The following WDR49 variants were observed in gnomAD, a reference collection of about 807,000 sequenced individuals.
WDR49 encodes cilia- and flagella-associated protein 337.
Under a neutral mutation model 119.5 loss-of-function variants are expected in WDR49, and 107 were observed. That is an observed-to-expected ratio of 0.90 (90% CI 0.77 to 1.05). WDR49 has a LOEUF of 1.05. Ranked by LOEUF, WDR49 falls within the 50% of genes least tolerant of loss-of-function variation. WDR49 has a pLI of 0.00. For missense variants in WDR49, 1,240 were observed against 1,220.5 expected (o/e 1.02, Z -0.24); for synonymous variants, 425 against 418.8 (o/e 1.01, Z -0.18).
chr3:167,502,443 C>T (rs749248191), intron 17 of WDR49, among the ~76,000 whole-genome samples: 7 of 151,992 alleles, frequency 4.6e-5, no homozygotes, highest in South Asian at 2.1e-4. Flanking sequence ...AATGGGCAGA[C>T]GTTGGAAGAG....
At chr3:167,556,810 A>G (rs1385317263) in intron 9 of WDR49, among the ~76,000 whole-genome samples, 1 of 152,094 alleles carries the variant, frequency 6.6e-6, no homozygotes, top group Non-Finnish European at 1.5e-5. Context: ...GCGGATCACA[A>G]GGTCAGGAGT....
At chr3:167,581,407 C>T (rs376506921) in intron 7 of WDR49, among the ~76,000 whole-genome samples, 1 of 151,916 alleles carries the variant, frequency 6.6e-6, no homozygotes, top group African/African-American at 2.4e-5. Flanking sequence ...CTGAAGGGGC[C>T]CCTACCAACT....
At chr3:167,649,245 G>A (rs1251384045) in intron 2 of WDR49, among the ~76,000 whole-genome samples, 3 of 151,938 alleles carry the variant, frequency 2.0e-5, no homozygotes, top group Non-Finnish European at 4.4e-5. Context: ...GCAATGAGAA[G>A]GCCTAGAGAA....
At chr3:167,561,054 A>T (rs886619274) in intron 8 of WDR49, among the ~76,000 whole-genome samples, 1 of 152,246 alleles carries the variant, frequency 6.6e-6, no homozygotes, top group Non-Finnish European at 1.5e-5. Context: ...CTAAAGCAAT[A>T]TGTAGATTTT....
chr3:167,586,700 A>G (rs1222802334), intron 7 of WDR49, among the ~76,000 whole-genome samples: 1 of 152,218 alleles, frequency 6.6e-6, no homozygotes, highest in Non-Finnish European at 1.5e-5. Context: ...GTAAAGACGT[A>G]AAGACTGAGA....
chr3:167,655,281 C>T (rs1309734932), upstream of WDR49, among the ~76,000 whole-genome samples: 1 of 152,202 alleles, frequency 6.6e-6, no homozygotes, highest in South Asian at 2.1e-4. Flanking sequence ...CACCTGGCCA[C>T]GCCCTTGTCA....
chr3:167,493,590 G>A (rs1751233799), intron 18 of WDR49, among the ~76,000 whole-genome samples: 1 of 152,156 alleles, frequency 6.6e-6, no homozygotes, highest in African/African-American at 2.4e-5. Context: ...TCTCAGGCAT[G>A]AGAAGTAGTG....
Position 167,500,199 on chromosome 3 carries a change from T to C in WDR49, c.2985A>G (p.Pro995=), listed in dbSNP as rs1211657436. 1 of 1,588,916 alleles carries C rather than the reference T, an allele frequency of 6.3e-7. No individual in the cohort carries two copies. Among genetic ancestry groups the C allele is most frequent in the Non-Finnish European group, 8.5e-7 (1 of 1,172,996 alleles). ...LDPEKYFRKE[P]EEERPQILEA... ...CCAGAATTTGGGGACGCTCTTCCTCTGGTTCTTTCCTAAAGTATTTCTCAG... is the reference window on the plus strand; with the variant it reads ...CCAGAATTTGGGGACGCTCTTCCTCCGGTTCTTTCCTAAAGTATTTCTCAG... The change falls in exon 18 of 19, where the codon CCA becomes CCG. Residue 995 remains proline (P), a synonymous_variant. Coordinates refer to ENST00000682715, the MANE Select transcript of WDR49 (RefSeq NM_001366157.1).
At chr3:167,504,593 G>A (rs950709243) in intron 17 of WDR49, among the ~76,000 whole-genome samples, 1 of 152,134 alleles carries the variant, frequency 6.6e-6, no homozygotes, top group Non-Finnish European at 1.5e-5. Context: ...TGAGAACTTT[G>A]AACTTTGTAC....
At chr3:167,613,995 C>T (rs1363564329) in intron 5 of WDR49, among the ~76,000 whole-genome samples, 3 of 150,920 alleles carry the variant, frequency 2.0e-5, no homozygotes, top group Non-Finnish European at 4.4e-5. Flanking sequence ...TGTTTTGTAT[C>T]TTCTTCTAGC....
chr3:167,593,894 G>A (rs1024841052), intron 7 of WDR49, among the ~76,000 whole-genome samples: 1 of 152,090 alleles, frequency 6.6e-6, no homozygotes, highest in Non-Finnish European at 1.5e-5. Context: ...CACAAGATCT[G>A]ATGGTTTAAA....
chr3:167,648,786 G>A (rs1027107970), intron 2 of WDR49, among the ~76,000 whole-genome samples: 1 of 152,170 alleles, frequency 6.6e-6, no homozygotes. Flanking sequence ...GTAGAAGGCG[G>A]AAGGTGGGGA....
rs1213040130 is a variant in WDR49 at position 167,620,585 on chromosome 3, T to C, written c.802A>G (p.Thr268Ala). 25 of 1,534,106 alleles carry C rather than the reference T, an allele frequency of 1.6e-5. No individual in the cohort carries two copies. The Admixed American group carries it at 4.9e-4, about 30-fold the overall frequency. Residue 268 changes from threonine to alanine, a missense_variant, in exon 5 of 19, where the codon ACC becomes GCC. By Grantham distance (58) the Thr-to-Ala change is moderately conservative. Transcript: ENST00000682715. ...ITGKVQAIAF[T>A]AALISLFERP... is the part of the protein sequence containing the mutation. ...TCAAACAGGGAAATCAAGGCTGCGGTGAAAGCAATTGCTTGAACCTTGACA... is the reference window on the plus strand; with the variant it reads ...TCAAACAGGGAAATCAAGGCTGCGGCGAAAGCAATTGCTTGAACCTTGACA...
chr3:167,621,039 C>T (rs1347170247), intron 4 of WDR49, among the ~76,000 whole-genome samples: 1 of 152,018 alleles, frequency 6.6e-6, no homozygotes, highest in African/African-American at 2.4e-5. Context: ...ATGATACAGG[C>T]AATGAGCACT....
intron 2 of WDR49, among the ~76,000 whole-genome samples, chr3:167,636,368 T>TAC (rs78602155): frequency 6.6e-6 from 1 of 151,680 alleles, no homozygotes; most frequent in African/African-American, 2.4e-5. Context: ...TATATATATA[T>TAC]ACCACAGTTT....
At chr3:167,538,753 C>T (rs1328652925) in intron 10 of WDR49, among the ~76,000 whole-genome samples, 1 of 152,102 alleles carries the variant, frequency 6.6e-6, no homozygotes, top group Non-Finnish European at 1.5e-5. Context: ...GAAAGGCCAG[C>T]ATAGAAATCA....
chr3:167,638,358 T>A (rs1577294461), intron 2 of WDR49, among the ~76,000 whole-genome samples: 1 of 151,552 alleles, frequency 6.6e-6, no homozygotes, highest in Non-Finnish European at 1.5e-5. Context: ...TGTCAGACAT[T>A]TGGCATGATT....
At chr3:167,657,542 C>A (rs376473027), upstream of WDR49, among the ~76,000 whole-genome samples, 12 of 151,380 alleles carry the variant, frequency 7.9e-5, no homozygotes, top group South Asian at 2.1e-4. Flanking sequence ...CCTCCCCCCC[C>A]ACAATTTATC....
intron 8 of WDR49, chr3:167,575,002 A>C: frequency 1.1e-6 from 1 of 946,180 alleles, no homozygotes; most frequent in Non-Finnish European, 1.3e-6. Context: ...CATTACTAAC[A>C]AAGGGCTTTC....
Sources: gnomAD v4.1 joint callset for allele counts (sites outside exome capture counted in the v4.1 genomes callset) on GRCh38, gnomAD v4.1.1 for gene constraint, MANE v1.5 for transcripts, NCBI Gene and HGNC (gene_info 2026-07-23, HGNC 2026-07-21) for gene names.